The following KHDRBS2 variants were observed in gnomAD, a reference collection of about 807,000 sequenced individuals.
KHDRBS2 encodes the protein KH domain-containing, RNA-binding, signal transduction-associated protein 2.
A neutral mutation model predicts 44.3 loss-of-function variants in KHDRBS2; 26 were observed. The observed-to-expected ratio is 0.59, with a 90% CI of 0.43 to 0.81. The LOEUF (loss-of-function observed/expected upper bound fraction) is 0.81, where lower values mean the gene tolerates loss of function less well. Among genes scored for constraint, KHDRBS2 ranks in the 40% least tolerant of loss-of-function variants. The pLI is 0.00. For missense variants in KHDRBS2, 476 were observed against 433.1 expected (o/e 1.10, Z -0.88); for synonymous variants, 194 against 151.1 (o/e 1.28, Z -2.08).
intron 2 of KHDRBS2, among the ~76,000 whole-genome samples, chr6:62,141,686 A>G (rs1812842577): frequency 6.6e-6 from 1 of 152,088 alleles, no homozygotes; most frequent in South Asian, 2.1e-4. Flanking sequence ...ATCCCTCTAT[A>G]TAGTAAACAT....
the KHDRBS2 span, among the ~76,000 whole-genome samples, chr6:61,633,449 T>G: frequency 6.6e-6 from 1 of 152,094 alleles, no homozygotes; most frequent in African/African-American, 2.4e-5. Context: ...AGGTAATTTC[T>G]AAGATTATTG....
At chr6:61,763,016 C>T (rs1258270998) in intron 6 of KHDRBS2, among the ~76,000 whole-genome samples, 1 of 152,130 alleles carries the variant, frequency 6.6e-6, no homozygotes, top group African/African-American at 2.4e-5. Context: ...CCTGTTCTGC[C>T]TTTGGGATCT....
intron 8 of KHDRBS2, among the ~76,000 whole-genome samples, chr6:61,693,998 C>T (rs997476109): frequency 6.6e-6 from 1 of 152,146 alleles, no homozygotes; most frequent in Non-Finnish European, 1.5e-5. Context: ...TCTCTTATCA[C>T]CAGTGATCCT....
chr6:61,901,213 C>T (rs747624494), intron 5 of KHDRBS2, 31 bp downstream of exon 5: 10 of 1,600,750 alleles, frequency 6.2e-6, no homozygotes, highest in Non-Finnish European at 5.1e-6. Context: ...TGCCATCATC[C>T]TTAATTTATT....
At chr6:61,696,862 C>A (rs1561981340) in intron 8 of KHDRBS2, among the ~76,000 whole-genome samples, 1 of 152,050 alleles carries the variant, frequency 6.6e-6, no homozygotes, top group African/African-American at 2.4e-5. Context: ...CTCTGATGAT[C>A]TTTTGACAGC....
chr6:61,649,338 G>T, the KHDRBS2 span, among the ~76,000 whole-genome samples: 1 of 152,102 alleles, frequency 6.6e-6, no homozygotes, highest in Admixed American at 6.6e-5. Context: ...ATTTTAAATG[G>T]CTAAAAATAT....
At chr6:61,887,105 T>C (rs1583334996) in intron 6 of KHDRBS2, among the ~76,000 whole-genome samples, 1 of 62,076 alleles carries the variant, frequency 1.6e-5, no homozygotes. Context: ...ATGTATCAGA[T>C]AGAGAATTTG....
At chr6:61,820,890 A>G (rs1405802524) in intron 6 of KHDRBS2, among the ~76,000 whole-genome samples, 2 of 151,980 alleles carry the variant, frequency 1.3e-5, no homozygotes, top group Admixed American at 6.6e-5. Context: ...GAGAGAATCA[A>G]TGTGCTACCT....
intron 3 of KHDRBS2, among the ~76,000 whole-genome samples, chr6:61,985,911 C>T (rs1313132484): frequency 6.6e-6 from 1 of 152,014 alleles, no homozygotes; most frequent in Non-Finnish European, 1.5e-5. Flanking sequence ...ATTATTTAAG[C>T]ATCTACAGTA....
intron 4 of KHDRBS2, among the ~76,000 whole-genome samples, chr6:61,905,854 CTT>C (rs10676797): frequency 7.0e-5 from 8 of 114,180 alleles, no homozygotes; most frequent in Non-Finnish European, 1.2e-4. Flanking sequence ...CAAAACTTTT[CTT>C]TTTTTTTTTT....
intron 7 of KHDRBS2, among the ~76,000 whole-genome samples, chr6:61,725,526 A>C (rs1339172145): frequency 2.6e-5 from 4 of 152,032 alleles, no homozygotes; most frequent in African/African-American, 9.7e-5. Context: ...GAAACCATTA[A>C]AAAAATAGAT....
chr6:62,077,567 T>C (rs913172101), intron 2 of KHDRBS2, among the ~76,000 whole-genome samples: 1 of 152,026 alleles, frequency 6.6e-6, no homozygotes, highest in South Asian at 2.1e-4. Context: ...GAGCCTTTTG[T>C]TGGGGGCTTC....
chr6:62,067,119 G>A lies in KHDRBS2; in HGVS notation c.220-19125C>T, dbSNP rs563718283. ...CTGTTCAATTAGATAGAGAATTGGGGACTGAGCAGATTACTTAGGTTACTT... is the reference window on the plus strand; with the variant it reads ...CTGTTCAATTAGATAGAGAATTGGGAACTGAGCAGATTACTTAGGTTACTT... On this transcript the variant is annotated intron_variant, in intron 2 of 8. Transcript: ENST00000281156. Among the ~76,000 whole-genome samples, 267 of 151,510 alleles carry A rather than the reference G, an allele frequency of 1.8e-3. 2 individuals are homozygous for A. Among genetic ancestry groups the A allele is most frequent in the African/African-American group, 6.3e-3 (260 of 41,452 alleles).
chr6:62,080,773 C>A (rs1329917931), intron 2 of KHDRBS2, among the ~76,000 whole-genome samples: 1 of 151,928 alleles, frequency 6.6e-6, no homozygotes, highest in African/African-American at 2.4e-5. Context: ...TGAGCTTGGC[C>A]AACTGGAGAC....
At chr6:61,866,690 CT>C (rs1173953447) in intron 6 of KHDRBS2, among the ~76,000 whole-genome samples, 3 of 152,170 alleles carry the variant, frequency 2.0e-5, no homozygotes, top group African/African-American at 7.2e-5. Context: ...ATCTGAATGC[CT>C]TTAACAGCAC....
chr6:61,697,920 A>ATGG (rs1768098268), intron 7 of KHDRBS2, among the ~76,000 whole-genome samples: 1 of 152,106 alleles, frequency 6.6e-6, no homozygotes, highest in African/African-American at 2.4e-5. Flanking sequence ...AGCACTCCAA[A>ATGG]GTCTTACGTG....
chr6:61,562,669 A>G, the KHDRBS2 span, among the ~76,000 whole-genome samples: 2 of 152,130 alleles, frequency 1.3e-5, no homozygotes, highest in Admixed American at 6.6e-5. Flanking sequence ...AGGAAGATAG[A>G]ACCCCCATCT....
intron 6 of KHDRBS2, among the ~76,000 whole-genome samples, chr6:61,822,795 TG>T (rs920013871): frequency 6.6e-6 from 1 of 152,050 alleles, no homozygotes; most frequent in Non-Finnish European, 1.5e-5. Context: ...AGCTGTGACA[TG>T]GGCTATAACC....
chr6:62,037,547 A>C (rs1221558994), intron 3 of KHDRBS2, among the ~76,000 whole-genome samples: 7 of 152,016 alleles, frequency 4.6e-5, no homozygotes, highest in African/African-American at 1.2e-4. Context: ...CAAAACACCC[A>C]AAAACGAAGA....
Sources: allele counts gnomAD v4.1 joint callset (sites outside exome capture counted in the v4.1 genomes callset), GRCh38; gene constraint gnomAD v4.1.1; transcripts MANE v1.5; gene names NCBI Gene and HGNC (gene_info 2026-07-23, HGNC 2026-07-21).